The following XAGE5 variants were observed in gnomAD, a reference collection of about 807,000 sequenced individuals.
XAGE5 encodes G antigen, family D, 5.
Under a neutral mutation model 13.1 loss-of-function variants are expected in XAGE5, and 13 were observed. That is an observed-to-expected ratio of 0.99 (90% CI 0.64 to 1.57). The LOEUF (loss-of-function observed/expected upper bound fraction) is 1.57, where lower values mean the gene tolerates loss of function less well. XAGE5 is among the 40% of genes most tolerant of loss of function. The pLI, the probability that XAGE5 is intolerant of heterozygous loss-of-function variation, is 0.00. For synonymous variants in XAGE5, 17 were observed against 25.0 expected, an observed-to-expected ratio of 0.68 and a Z score of 0.96; for missense variants, 86 against 77.6, an observed-to-expected ratio of 1.11 and a Z score of -0.41.
At chrX:52,816,250 A>G (rs1206633990) in intron 5 of XAGE5, among the ~76,000 whole-genome samples, 3 of 112,205 alleles carry the variant, frequency 2.7e-5, no homozygotes, top group East Asian at 2.8e-4. Flanking sequence ...ACCGGACCCA[A>G]TGATTGCATT....
Position 52,818,203 on chromosome X carries a change from C to A in XAGE5, c.317C>A (p.Pro106Gln). The change falls in exon 6 of 6, where the codon CCA becomes CAA. Residue 106 changes from proline to glutamine, a missense_variant. By Grantham distance (76) the Pro-to-Gln change is moderately conservative. Transcript: ENST00000375501. ...GTTTCTATTGCAGGGGAAGGGAAAC[C>A]ACAGCTTTAAACGAAGACAACCAAA... ...FKMPEGGEGK[P>Q]QL 1 of 1,211,224 alleles carries A rather than the reference C, an allele frequency of 8.3e-7. No individual in the cohort carries two copies. The highest frequency in any genetic ancestry group is 1.1e-6 in the Non-Finnish European group (1 of 895,111).
In XAGE5 at chrX:52,818,263, T is replaced by G. The variant is rs1926948082; in HGVS notation, c.*50T>G. ...ACTGGATTTATCCGAGATATTTGAC[T>G]TTTAAAAATCTCAATAAAGTTTTCC... On this transcript the variant is annotated 3_prime_UTR_variant, in exon 6 of 6. Transcript: ENST00000375501. The G allele has an allele frequency of 8.4e-7, 1 of 1,190,188 alleles. No homozygotes were observed. Among genetic ancestry groups the G allele is most frequent in the Admixed American group, 2.2e-5 (1 of 44,910 alleles).
At chrX:52,812,524 T>C in intron 2 of XAGE5, 35 bp from the exon 3 acceptor site, 8 of 1,179,691 alleles carry the variant, frequency 6.8e-6, no homozygotes, top group Non-Finnish European at 9.2e-6. Flanking sequence ...TCCATCCCCC[T>C]CAGCCTCCCA....
intron 5 of XAGE5, among the ~76,000 whole-genome samples, chrX:52,817,063 G>A (rs1456323288): frequency 9.0e-6 from 1 of 111,463 alleles, no homozygotes; most frequent in African/African-American, 3.3e-5. Context: ...AAACAATCTT[G>A]AAAAAAATGG....
intron 4 of XAGE5, among the ~76,000 whole-genome samples, chrX:52,813,490 T>C (rs1343188388): frequency 1.8e-5 from 2 of 111,789 alleles, no homozygotes; most frequent in Non-Finnish European, 3.8e-5. Context: ...ATATAGTCCT[T>C]CCTAAATCAG....
At chrX:52,817,282 C>A (rs1556778193) in intron 5 of XAGE5, among the ~76,000 whole-genome samples, 2 of 111,901 alleles carry the variant, frequency 1.8e-5, no homozygotes, top group African/African-American at 6.5e-5. Flanking sequence ...ATTTGCTAGT[C>A]GTCCCTCAAA....
At chrX:52,814,412 C>T (rs1466332664) in intron 4 of XAGE5, 4 of 198,012 alleles carry the variant, frequency 2.0e-5, no homozygotes, top group African/African-American at 2.9e-5. Context: ...AATTAGAAAA[C>T]TCCAAGTAGA....
intron 4 of XAGE5, chrX:52,814,840 G>A: frequency 3.1e-6 from 1 of 319,280 alleles, no homozygotes; most frequent in Non-Finnish European, 5.6e-6. Context: ...CTATCCGTGA[G>A]GCCGTCTTCA....
intron 4 of XAGE5, chrX:52,814,258 A>T (rs1556777795): frequency 3.0e-6 from 1 of 328,910 alleles, no homozygotes. Flanking sequence ...AAAAGAGGTC[A>T]ATGAATGACA....
chrX:52,814,983 C>A, intron 4 of XAGE5, 109 bp from the exon 5 acceptor site: 2 of 905,542 alleles, frequency 2.2e-6, no homozygotes, highest in Non-Finnish European at 1.6e-6. Context: ...TTTATTACCA[C>A]AGTAGCCTCT....
intron 4 of XAGE5, 140 bp from the exon 5 acceptor site, chrX:52,814,952 C>T: frequency 9.0e-6 from 6 of 667,894 alleles, no homozygotes; most frequent in Non-Finnish European, 1.3e-5. Context: ...GATAAGATAT[C>T]ATAATACAGG....
chrX:52,813,230 G>A lies in XAGE5; in HGVS notation c.163G>A (p.Ala55Thr), dbSNP rs1556777622. Residue 55 changes from alanine to threonine, a missense_variant, in exon 4 of 6, where the codon GCA (alanine) becomes ACA (threonine). Transcript: ENST00000375501. ...TCAGAAGAGAGAAGATGATCAGGGT[G>A]CAGCTGAGATTCAAGGTGCTGGGAA... ...PGQKREDDQG[A>T]AEIQVPNLEA... 8.3e-7 allele frequency: 1 copy of A among 1,210,179 alleles called. No homozygotes were observed. Among genetic ancestry groups the A allele is most frequent in the Admixed American group, 2.2e-5 (1 of 45,954 alleles).
rs368106114 is a variant in XAGE5 at position 52,814,598 on chromosome X, G to A, written c.179-494G>A. Among the ~76,000 whole-genome samples the A allele has an allele frequency of 2.8e-4, 31 of 111,709 alleles. No individual in the cohort carries two copies. In the East Asian group the frequency reaches 6.7e-3, roughly 24 times the overall value. ...CACTTCAGTTCCCATACTCTCACTG[G>A]AAGACAGTGATTTTGCTGTTATATT... On this transcript the variant is annotated intron_variant, in intron 4 of 5. Transcript: ENST00000375501.
rs1283141110 is a variant in XAGE5 at position 52,811,588 on chromosome X, G to C, written c.-140G>C. On this transcript the variant is annotated 5_prime_UTR_variant, in exon 2 of 6. Transcript: ENST00000375501. The stretch of plus-strand genomic sequence containing the variant: ...AAGAAGGAGGGCTTCGGAGTGCGAC[G>C]GGGGTTAGGTGAAGCTGGGGCAATG... Among the ~76,000 whole-genome samples, 1 of 111,012 alleles carries C rather than the reference G, an allele frequency of 9.0e-6. No homozygotes were observed. Among genetic ancestry groups the C allele is most frequent in the African/African-American group, 3.3e-5 (1 of 30,461 alleles).
At chrX:52,817,736 A>C (rs1926934365) in intron 5 of XAGE5, among the ~76,000 whole-genome samples, 1 of 112,093 alleles carries the variant, frequency 8.9e-6, no homozygotes, top group South Asian at 3.7e-4. Context: ...ATTTGTAGGA[A>C]CCTATTGGAC....
intron 1 of XAGE5, among the ~76,000 whole-genome samples, 37 bp from the exon 2 acceptor site, chrX:52,811,511 G>T (rs186323313): frequency 9.0e-6 from 1 of 111,291 alleles, no homozygotes; most frequent in Non-Finnish European, 1.9e-5. Context: ...CGTCCTTCTC[G>T]TGCGGCCCCG....
At chrX:52,812,918 C>T (rs1926828044) in intron 3 of XAGE5, among the ~76,000 whole-genome samples, 1 of 111,485 alleles carries the variant, frequency 9.0e-6, no homozygotes, top group African/African-American at 3.3e-5. Flanking sequence ...GCTTCCAACG[C>T]CATTGAGGGT....
chrX:52,816,798 C>T (rs1926913464), intron 5 of XAGE5, among the ~76,000 whole-genome samples: 2 of 111,663 alleles, frequency 1.8e-5, no homozygotes, highest in South Asian at 7.4e-4. Flanking sequence ...CTGAACAAGC[C>T]TCAGTTGTAT....
rs1320897364 is a variant in XAGE5, at chrX:52,815,080, G to A, written c.179-12G>A. 1 of 1,208,533 alleles carries A rather than the reference G, an allele frequency of 8.3e-7. No individual in the cohort carries two copies. The stretch of plus-strand genomic sequence containing the variant: ...TTTGGCTGCTCCAGTCCATATCCTT[G>A]GTATTTTTCAGTGCCTAACCTGGAA... On this transcript the variant is annotated splice_polypyrimidine_tract_variant and intron_variant, in intron 4 of 5. Transcript: ENST00000375501.
Sources: gnomAD v4.1 joint callset for allele counts (sites outside exome capture counted in the v4.1 genomes callset) on GRCh38, gnomAD v4.1.1 for gene constraint, MANE v1.5 for transcripts, NCBI Gene and HGNC (gene_info 2026-07-23, HGNC 2026-07-21) for gene names.